IGSF11: variants seen among roughly 807,000 people sequenced by gnomAD.
The protein encoded by IGSF11 is CXADR like 1.
In IGSF11, 22 loss-of-function variants were observed where a neutral mutation model predicts 41.0. The observed-to-expected ratio is 0.54, with a 90% CI of 0.38 to 0.77. The LOEUF is 0.77. Among genes scored for constraint, IGSF11 ranks in the 30% least tolerant of loss-of-function variants. The probability of loss-of-function intolerance (pLI) is 0.00; values close to 1 mark genes in which losing one functional copy is unlikely to be tolerated. For synonymous variants in IGSF11, 219 were observed against 201.3 expected (o/e 1.09, Z -0.74); for missense variants, 444 against 530.8 (o/e 0.84, Z 1.61).
At chr3:119,034,874 C>A, upstream of IGSF11, 1 of 1,171,864 alleles carries the variant, frequency 8.5e-7, no homozygotes, top group Non-Finnish European at 1.1e-6. Flanking sequence ...GTCCGGGGAG[C>A]CACTCCCCCC....
chr3:118,907,903 T>G (rs1369078862), intron 4 of IGSF11, among the ~76,000 whole-genome samples: 1 of 152,202 alleles, frequency 6.6e-6, no homozygotes, highest in Non-Finnish European at 1.5e-5. Flanking sequence ...CAATAAATGT[T>G]CCAATGCTGT....
At chr3:119,056,479 A>C (rs1378961541) in intron 1 of IGSF11, among the ~76,000 whole-genome samples, 2 of 152,232 alleles carry the variant, frequency 1.3e-5, no homozygotes, top group Admixed American at 1.3e-4. Context: ...GGCAATAATT[A>C]ATAGCTTACC....
At chr3:119,023,392 G>C (rs1370760284) in intron 1 of IGSF11, among the ~76,000 whole-genome samples, 7 of 150,268 alleles carry the variant, frequency 4.7e-5, no homozygotes, top group Admixed American at 4.0e-4. Context: ...AACTATTTTT[G>C]CCTACAAATG....
At chr3:119,065,792 C>CAAAAAAAAAAAAAAAAAA (rs1193374379) in intron 1 of IGSF11, among the ~76,000 whole-genome samples, 2 of 56,742 alleles carry the variant, frequency 3.5e-5, no homozygotes, top group Non-Finnish European at 7.5e-5. Context: ...GACTCTGTCT[C>CAAAAAAAAAAAAAAAAAA]AAAAAAAAAA....
intron 1 of IGSF11, among the ~76,000 whole-genome samples, chr3:119,041,252 A>G (rs1941108737): frequency 2.0e-5 from 3 of 152,258 alleles, no homozygotes; most frequent in Admixed American, 1.3e-4. Flanking sequence ...GACACTAATC[A>G]AAATTAAAAA....
At chr3:119,030,666 C>A (rs1351292277) in intron 1 of IGSF11, among the ~76,000 whole-genome samples, 1 of 152,142 alleles carries the variant, frequency 6.6e-6, no homozygotes, top group Non-Finnish European at 1.5e-5. Context: ...TTGAATACCA[C>A]CCAAGAACCA....
intron 4 of IGSF11, among the ~76,000 whole-genome samples, chr3:118,907,095 C>T (rs1441419398): frequency 6.6e-6 from 1 of 152,160 alleles, no homozygotes; most frequent in Non-Finnish European, 1.5e-5. Flanking sequence ...AATATTCTGA[C>T]ACAAAGTCCA....
intron 4 of IGSF11, among the ~76,000 whole-genome samples, chr3:118,907,474 A>G (rs75800989): frequency 0.053 from 8,065 of 152,222 alleles, 351 homozygotes; most frequent in Admixed American, 0.15. Flanking sequence ...GGGAGCATAC[A>G]GGAGGGACAT....
At chr3:119,028,896 C>T (rs1479288400) in intron 1 of IGSF11, among the ~76,000 whole-genome samples, 1 of 152,016 alleles carries the variant, frequency 6.6e-6, no homozygotes, top group African/African-American at 2.4e-5. Flanking sequence ...ATTGTACCAA[C>T]ACCAATTTCC....
In IGSF11 at chr3:119,088,011, G is replaced by C; in HGVS notation, c.49+17133C>G. Among the ~76,000 whole-genome samples, 2 of 152,030 alleles carry C rather than the reference G, an allele frequency of 1.3e-5. 1 individual carries two copies. Among genetic ancestry groups the C allele is most frequent in the Non-Finnish European group, 2.9e-5 (2 of 67,982 alleles). On this transcript the variant is annotated intron_variant, in intron 1 of 6. Transcript: ENST00000354673. Reference sequence around the variant, plus strand: ...CCACACCCCACTGACAATGTTAGATGAATCACTGAGACAGAAAATTAACAA... The same window carrying C: ...CCACACCCCACTGACAATGTTAGATCAATCACTGAGACAGAAAATTAACAA...
chr3:119,036,053 T>C (rs942122292), upstream of IGSF11, among the ~76,000 whole-genome samples: 1 of 152,240 alleles, frequency 6.6e-6, no homozygotes, highest in Non-Finnish European at 1.5e-5. Context: ...GGTGGAGTTA[T>C]GGATGTACTT....
chr3:119,042,186 CAAAG>C (rs1480063612), intron 1 of IGSF11, among the ~76,000 whole-genome samples: 1 of 152,176 alleles, frequency 6.6e-6, no homozygotes, highest in Non-Finnish European at 1.5e-5. Flanking sequence ...CCACTGAAGG[CAAAG>C]AAGCCATTCC....
intron 1 of IGSF11, among the ~76,000 whole-genome samples, chr3:119,000,116 T>G (rs2866321): frequency 0.37 from 48,942 of 133,458 alleles, 11,084 homozygotes; most frequent in African/African-American, 0.67. Flanking sequence ...TTATTGTAAA[T>G]ATGAAGAAAT....
At chr3:118,991,370 T>C (rs960535034) in intron 1 of IGSF11, among the ~76,000 whole-genome samples, 2 of 152,202 alleles carry the variant, frequency 1.3e-5, no homozygotes, top group African/African-American at 4.8e-5. Context: ...CTACTATATT[T>C]CAGGGCACAT....
rs779361900 is a variant in IGSF11, at chr3:118,902,777, AAG to A, written c.1037_1038del (p.Ser346PhefsTer14). 6.8e-6 allele frequency: 11 copies of A among 1,614,158 alleles called. No homozygotes were observed. The highest frequency in any genetic ancestry group is 5.1e-6 in the Non-Finnish European group (6 of 1,180,004). On this transcript the variant is annotated frameshift_variant, in exon 7 of 7. Transcript: ENST00000393775. LOFTEE classifies it high-confidence loss of function. ...GGTATGTTGGCATTGCCTGAGTGGAAAGAGAAAGATTGGCCCAAGTCACTGAA... is the reference window on the plus strand; with the variant it reads ...GGTATGTTGGCATTGCCTGAGTGGAAAGAAAGATTGGCCCAAGTCACTGAA... ...SHFSDLGQSF[S>X]FHSGNANIPS...
rs901720967 is a variant in IGSF11, at chr3:119,054,575, G to A, written c.49+50569C>T. ...GGTGAAAAGGGAACACATTTATACC[G>A]CTGGTGGGAATGTAAACTAGTACAA... On this transcript the variant is annotated intron_variant, in intron 1 of 6. Transcript: ENST00000354673. 9.9e-5 allele frequency among the ~76,000 whole-genome samples: 15 copies of A among 152,140 alleles called. No individual in the cohort carries two copies. In the South Asian group the frequency reaches 1.0e-3, roughly 11 times the overall value.
chr3:119,010,246 AG>A (rs1399337565), intron 1 of IGSF11, among the ~76,000 whole-genome samples: 1 of 152,200 alleles, frequency 6.6e-6, no homozygotes, highest in Non-Finnish European at 1.5e-5. Flanking sequence ...AGTGTACATG[AG>A]GTTACTGAAA....
chr3:119,036,360 CT>C (rs1940902503), upstream of IGSF11, among the ~76,000 whole-genome samples: 1 of 152,154 alleles, frequency 6.6e-6, no homozygotes, highest in Non-Finnish European at 1.5e-5. Flanking sequence ...ACTAGAGTTT[CT>C]TTTTTCCATC....
At chr3:118,985,151 A>T (rs1935126143) in intron 1 of IGSF11, among the ~76,000 whole-genome samples, 1 of 152,224 alleles carries the variant, frequency 6.6e-6, no homozygotes, top group African/African-American at 2.4e-5. Flanking sequence ...TGCAGCTTGG[A>T]GTTATGTAAA....
Sources: allele counts gnomAD v4.1 joint callset (sites outside exome capture counted in the v4.1 genomes callset), GRCh38; gene constraint gnomAD v4.1.1; transcripts MANE v1.5; gene names NCBI Gene and HGNC (gene_info 2026-07-23, HGNC 2026-07-21).